ADAMTS19: variants seen among roughly 807,000 people sequenced by gnomAD.
ADAMTS19 encodes the protein A disintegrin and metalloproteinase with thrombospondin motifs 19.
ADAMTS19 carries 93 observed loss-of-function variants against 153.3 expected under a neutral mutation model. The observed-to-expected ratio is 0.61, with a 90% CI of 0.51 to 0.72. The LOEUF (loss-of-function observed/expected upper bound fraction) is 0.72. ADAMTS19 is among the 30% of genes least tolerant of loss of function. ADAMTS19 has a pLI of 0.00. For missense variants in ADAMTS19, 1,482 were observed against 1,552.1 expected (o/e 0.95, Z 0.76); for synonymous variants, 600 against 556.6 (o/e 1.08, Z -1.10).
chr5:129,716,526 A>G (rs973522845), intron 21 of ADAMTS19, among the ~76,000 whole-genome samples: 1 of 151,220 alleles, frequency 6.6e-6, no homozygotes, highest in African/African-American at 2.4e-5. Flanking sequence ...TATTTAACCC[A>G]AAATTCCTGA....
chr5:129,709,400 CT>C (rs1756332092), intron 21 of ADAMTS19, among the ~76,000 whole-genome samples: 1 of 151,908 alleles, frequency 6.6e-6, no homozygotes, highest in African/African-American at 2.4e-5. Flanking sequence ...TGGATTATTT[CT>C]AGTAAAAATA....
chr5:129,556,084 G>A (rs1312969023), intron 7 of ADAMTS19, among the ~76,000 whole-genome samples: 2 of 151,952 alleles, frequency 1.3e-5, no homozygotes, highest in Non-Finnish European at 1.5e-5. Flanking sequence ...GCTACATGGG[G>A]GATAAAAAGT....
intron 8 of ADAMTS19, among the ~76,000 whole-genome samples, chr5:129,601,900 T>C (rs536568753): frequency 2.3e-4 from 35 of 152,248 alleles, no homozygotes; most frequent in African/African-American, 8.4e-4. Flanking sequence ...ATAAATCACA[T>C]TGTTAGCAAA....
chr5:129,647,843 T>G lies in ADAMTS19; in HGVS notation c.1951T>G (p.Cys651Gly). ...CGGAGAGTGGAGCCTGTGGAGTCCT[T>G]GTAGCCGAACCTGCAGTGCTGGGAT... ...LAGEWSLWSP[C>G]SRTCSAGISS... Residue 651 changes from cysteine (C) to glycine (G), a missense_variant, in exon 12 of 23, where the codon TGT (cysteine) becomes GGT (glycine). Transcript: ENST00000274487. 6.2e-7 allele frequency: 1 copy of G among 1,614,076 alleles called. No homozygotes were observed. Among genetic ancestry groups the G allele is most frequent in the Non-Finnish European group, 8.5e-7 (1 of 1,179,968 alleles).
chr5:129,528,522 A>G lies in ADAMTS19; in HGVS notation c.1173A>G (p.Pro391=), dbSNP rs915833782. ...TGATGAGCTCTGTTCTTTTGCAGCC[A>G]GAACTATATATTGGGCATCATGGAG... The part of the protein sequence containing the change: ...IKLILLHETP[P]ELYIGHHGEK... Residue 391 remains proline (P), a splice_region_variant and synonymous_variant, in exon 6 of 23, where the codon CCA becomes CCG. Transcript: ENST00000274487. The G allele has an allele frequency of 2.5e-6, 4 of 1,581,642 alleles. No individual in the cohort carries two copies. The African/African-American group carries it at 5.5e-5, about 22-fold the overall frequency.
At chr5:129,624,636 G>T (rs1751940722) in intron 10 of ADAMTS19, among the ~76,000 whole-genome samples, 1 of 152,068 alleles carries the variant, frequency 6.6e-6, no homozygotes, top group Non-Finnish European at 1.5e-5. Flanking sequence ...TACTGTAAAA[G>T]CTCAGTAGAT....
intron 2 of ADAMTS19, among the ~76,000 whole-genome samples, chr5:129,479,035 C>T (rs368738359): frequency 1.2e-4 from 19 of 152,126 alleles, no homozygotes; most frequent in Middle Eastern, 3.4e-3. Flanking sequence ...CACTAAGGTA[C>T]GTGTAGTCAC....
chr5:129,626,202 C>T (rs970173038), intron 10 of ADAMTS19, among the ~76,000 whole-genome samples: 5 of 152,026 alleles, frequency 3.3e-5, no homozygotes, highest in African/African-American at 7.2e-5. Context: ...AAATCAGATG[C>T]TCTCCAGTCT....
At chr5:129,494,711 C>T (rs967368790) in intron 2 of ADAMTS19, among the ~76,000 whole-genome samples, 2 of 152,256 alleles carry the variant, frequency 1.3e-5, no homozygotes, top group East Asian at 1.9e-4. Flanking sequence ...CTGCTTTCCC[C>T]GCATTATTCT....
chr5:129,571,535 A>G (rs1753909030), intron 7 of ADAMTS19, among the ~76,000 whole-genome samples: 1 of 151,848 alleles, frequency 6.6e-6, no homozygotes, highest in Admixed American at 6.6e-5. Context: ...AAAGATCTAA[A>G]TAAATGGAGA....
chr5:129,684,507 TTACATTACATTAC>T (rs1561648062), intron 18 of ADAMTS19, among the ~76,000 whole-genome samples: 4 of 151,958 alleles, frequency 2.6e-5, no homozygotes, highest in Admixed American at 1.3e-4. Context: ...TTGCATTACA[TTACATTACATTAC>T]ATTACATTAC....
intron 8 of ADAMTS19, among the ~76,000 whole-genome samples, chr5:129,607,337 G>T (rs529132413): frequency 6.6e-6 from 1 of 152,262 alleles, no homozygotes; most frequent in East Asian, 1.9e-4. Flanking sequence ...CAACTGAATA[G>T]CAATCTCTGT....
chr5:129,679,914 A>G lies in ADAMTS19; in HGVS notation c.2657A>G (p.His886Arg), dbSNP rs1402922948. 1.9e-6 allele frequency: 3 copies of G among 1,612,336 alleles called. No homozygotes were observed. Among genetic ancestry groups the G allele is most frequent in the African/African-American group, 2.7e-5 (2 of 74,828 alleles). ...AAAGGTCCTACTACAGCACCTTTAC[A>G]TCTTCTGGTATGAGGGAATGAATTG... ...SAKGPTTAPL[H>R]LLVLLFQDQN... The change falls in exon 17 of 23, where the codon CAT (histidine) becomes CGT (arginine). Residue 886 changes from histidine to arginine, a missense_variant. Coordinates refer to ENST00000274487, the MANE Select transcript of ADAMTS19 (RefSeq NM_133638.6).
At chr5:129,699,928 A>T (rs1171043988) in intron 19 of ADAMTS19, among the ~76,000 whole-genome samples, 6 of 152,200 alleles carry the variant, frequency 3.9e-5, no homozygotes, top group Non-Finnish European at 8.8e-5. Flanking sequence ...TTACAAATTA[A>T]AAAATAGAAA....
intron 21 of ADAMTS19, among the ~76,000 whole-genome samples, chr5:129,731,268 T>A (rs1757434498): frequency 6.6e-6 from 1 of 152,064 alleles, no homozygotes; most frequent in African/African-American, 2.4e-5. Context: ...TAAGATACAA[T>A]TTTGTAAAAA....
At chr5:129,501,258 C>T (rs949802007) in intron 2 of ADAMTS19, among the ~76,000 whole-genome samples, 2 of 151,968 alleles carry the variant, frequency 1.3e-5, no homozygotes, top group African/African-American at 4.8e-5. Context: ...CCAAGTCTGC[C>T]ATGGGAGAAT....
chr5:129,567,957 C>T (rs575449690), intron 7 of ADAMTS19, among the ~76,000 whole-genome samples: 2 of 152,226 alleles, frequency 1.3e-5, no homozygotes, highest in South Asian at 4.1e-4. Flanking sequence ...ATTCCAATGA[C>T]AGCCGATTTC....
At chr5:129,547,612 T>C (rs1442560711) in intron 6 of ADAMTS19, among the ~76,000 whole-genome samples, 1 of 150,436 alleles carries the variant, frequency 6.6e-6, no homozygotes, top group Non-Finnish European at 1.5e-5. Flanking sequence ...AATCTATAAA[T>C]AGATTCAATG....
chr5:129,661,746 T>G lies in ADAMTS19; in HGVS notation c.2425+3009T>G, dbSNP rs533892440. Among the ~76,000 whole-genome samples the G allele has an allele frequency of 2.8e-4, 42 of 152,310 alleles. No homozygotes were observed. The South Asian group carries it at 4.6e-3, about 17-fold the overall frequency. On this transcript the variant is annotated intron_variant, in intron 15 of 22. Transcript: ENST00000274487. ...GGCAAATTACATATTGGCCAGTTGT[T>G]GAAATGCATAGTTAACCAGTAAATA...
Sources: allele counts gnomAD v4.1 joint callset (sites outside exome capture counted in the v4.1 genomes callset), GRCh38; gene constraint gnomAD v4.1.1; transcripts MANE v1.5; gene names NCBI Gene and HGNC (gene_info 2026-07-23, HGNC 2026-07-21).